ZNF230: variants seen among roughly 807,000 people sequenced by gnomAD.
The protein encoded by ZNF230 is zinc finger protein FDZF2.
In ZNF230, 12 loss-of-function variants were observed where a neutral mutation model predicts 10.0. The observed-to-expected ratio is 1.20, with a 90% CI of 0.77 to 1.95. The LOEUF (loss-of-function observed/expected upper bound fraction) is 1.95. ZNF230 is among the 30% of genes most tolerant of loss of function. The probability of loss-of-function intolerance (pLI) is 0.00; values close to 1 mark genes in which losing one functional copy is unlikely to be tolerated. For missense variants in ZNF230, 532 were observed against 565.8 expected, an observed-to-expected ratio of 0.94 and a Z score of 0.61; for synonymous variants, 174 against 193.6, an observed-to-expected ratio of 0.90 and a Z score of 0.84.
At chr19:44,009,293 AC>A in intron 4 of ZNF230, 123 bp downstream of exon 4, 2 of 1,098,250 alleles carry the variant, frequency 1.8e-6, no homozygotes, top group South Asian at 1.5e-5. Context: ...GTTTATTACA[AC>A]CCCTTTCTGG....
chr19:44,007,202 C>T, intron 2 of ZNF230, 109 bp downstream of exon 2: 1 of 1,044,844 alleles, frequency 9.6e-7, no homozygotes, highest in Non-Finnish European at 1.4e-6. Context: ...GCATTTGGGA[C>T]CTGTTGTGTG....
At position 44,010,780 on chromosome 19, in the gene ZNF230, A is replaced by T. The variant is rs769372300; in HGVS notation, c.741A>T (p.Thr247=). 334 of 1,614,108 alleles carry T rather than the reference A, an allele frequency of 2.1e-4. No homozygotes were observed. Among genetic ancestry groups the T allele is most frequent in the Non-Finnish European group, 2.8e-4 (327 of 1,180,030 alleles). ...AILQVHCKLH[T]GEKPYICEKC... Reference sequence around the variant, plus strand: ...TTCAAGTTCACTGCAAATTACACACAGGAGAGAAACCTTATATTTGTGAGA... The same window carrying T: ...TTCAAGTTCACTGCAAATTACACACTGGAGAGAAACCTTATATTTGTGAGA... The change falls in exon 5 of 5, where the codon ACA becomes ACT. Residue 247 remains threonine (T), a synonymous_variant. Transcript: ENST00000429154.
Position 44,011,036 on chromosome 19 carries a change from C to T in ZNF230, c.997C>T (p.Gln333Ter). Residue 333 changes from glutamine (Q) to a stop codon, truncating the protein, a stop_gained, in exon 5 of 5, where the codon CAG becomes TAG. Coordinates refer to ENST00000429154, the MANE Select transcript of ZNF230 (RefSeq NM_006300.4). LOFTEE classifies it low-confidence loss of function (END_TRUNC). ...LHKHQIIHTG[Q>*]KPYNCKECGK... ...TAAGCATCAGATAATTCACACAGGA[C>T]AGAAACCGTACAATTGTAAAGAATG... 6.2e-7 allele frequency: 1 copy of T among 1,614,164 alleles called. No individual in the cohort carries two copies. The highest frequency in any genetic ancestry group is 8.5e-7 in the Non-Finnish European group (1 of 1,180,010).
intron 1 of ZNF230, chr19:44,003,326 T>C (rs2147420216): frequency 6.6e-6 from 1 of 152,356 alleles, no homozygotes; most frequent in East Asian, 1.9e-4. Flanking sequence ...AATGTCCTTA[T>C]ACTTTCCATT....
intron 2 of ZNF230, 56 bp from the exon 3 acceptor site, chr19:44,008,734 C>A: frequency 6.3e-7 from 1 of 1,590,190 alleles, no homozygotes; most frequent in Non-Finnish European, 8.6e-7. Flanking sequence ...CAATGCTGCT[C>A]CTCCCCCAGT....
intron 1 of ZNF230, chr19:44,006,803 C>T: frequency 3.2e-6 from 1 of 309,950 alleles, no homozygotes; most frequent in South Asian, 1.1e-4. Context: ...TACTTCATTC[C>T]TTTTAATTTC....
Position 44,012,067 on chromosome 19 carries a change from G to GT in ZNF230, c.*603_*604insT. 1.5e-5 allele frequency: 3 copies of GT among 199,694 alleles called. No individual in the cohort carries two copies. The highest frequency in any genetic ancestry group is 1.5e-4 in the East Asian group (1 of 6,622). 12.4% of individuals were successfully genotyped at this position (199,694 alleles called of 1,614,324 possible). ...AGTGTAGATATCTGATCCACATACT[G>GT]ATTTCCTTTGCTTTGGATATACTCA... On this transcript the variant is annotated 3_prime_UTR_variant, in exon 5 of 5. Transcript: ENST00000429154.
rs1056038997 is a variant in ZNF230, at chr19:44,010,323, T to C, written c.284T>C (p.Ile95Thr). ...GPHEDCPCQQIWEQTASDLTQ... is the reference protein window; with the variant it reads ...GPHEDCPCQQTWEQTASDLTQ... ...CATGAAGACTGCCCTTGCCAGCAAA[T>C]CTGGGAACAAACTGCAAGTGACTTA... The change falls in exon 5 of 5, where the codon ATC becomes ACC. Residue 95 changes from isoleucine (I) to threonine (T), a missense_variant. Ile to Thr is a moderately conservative substitution (Grantham distance 89). Coordinates refer to ENST00000429154, the MANE Select transcript of ZNF230 (RefSeq NM_006300.4). The C allele has an allele frequency of 1.2e-6, 2 of 1,614,086 alleles. No homozygotes were observed. The highest frequency in any genetic ancestry group is 2.2e-5 in the South Asian group (2 of 91,076).
At chr19:44,004,303 A>C (rs1976099287) in intron 1 of ZNF230, 1 of 152,198 alleles carries the variant, frequency 6.6e-6, no homozygotes, top group African/African-American at 2.4e-5. Context: ...TTAAGCTTCT[A>C]ATTGATTTCT....
chr19:44,006,183 A>G (rs1190879414), intron 1 of ZNF230, among the ~76,000 whole-genome samples: 3 of 152,126 alleles, frequency 2.0e-5, no homozygotes, highest in Non-Finnish European at 4.4e-5. Context: ...CTTTATTGCA[A>G]CATAACAGGG....
chr19:44,009,081 C>T lies in ZNF230; in HGVS notation c.143-3C>T. ...TTAAGCACATGACTTTGCATGTTCA[C>T]AGGGCATCAACCATTCCACCCTTTC... On this transcript the variant is annotated splice_polypyrimidine_tract_variant and splice_region_variant and intron_variant, in intron 3 of 4. Coordinates refer to ENST00000429154, the MANE Select transcript of ZNF230 (RefSeq NM_006300.4). 1 of 1,614,006 alleles carries T rather than the reference C, an allele frequency of 6.2e-7. No individual in the cohort carries two copies. The highest frequency in any genetic ancestry group is 8.5e-7 in the Non-Finnish European group (1 of 1,179,928).
Position 44,010,681 on chromosome 19 carries a change from TGA to T in ZNF230, c.648_649del (p.Arg216SerfsTer11), listed in dbSNP as rs752534987. The T allele has an allele frequency of 6.2e-6, 10 of 1,614,012 alleles. No individual in the cohort carries two copies. The highest frequency in any genetic ancestry group is 2.7e-5 in the African/African-American group (2 of 74,918). On this transcript the variant is annotated frameshift_variant, in exon 5 of 5. Transcript: ENST00000429154. LOFTEE classifies it low-confidence loss of function (END_TRUNC). ...FSQSSCLQTR[E>X]RVHTGEKPFK... is the part of the protein sequence containing the mutation. ...GTCAGAGCTCATGTCTGCAAACTCG[TGA>T]GAGAGTCCACACTGGAGAGAAACCA...
chr19:44,010,238 G>T, intron 4 of ZNF230, 31 bp from the exon 5 acceptor site: 5 of 1,552,636 alleles, frequency 3.2e-6, no homozygotes, highest in Non-Finnish European at 4.4e-6. Context: ...GGCTTCATTT[G>T]TCCACATCTC....
In ZNF230 at chr19:44,011,080, G is replaced by T; in HGVS notation, c.1041G>T (p.Trp347Cys). 6.2e-7 allele frequency: 1 copy of T among 1,614,184 alleles called. No homozygotes were observed. Among genetic ancestry groups the T allele is most frequent in the Non-Finnish European group, 8.5e-7 (1 of 1,180,026 alleles). The change falls in exon 5 of 5, where the codon TGG becomes TGT. Residue 347 changes from tryptophan to cysteine, a missense_variant. By Grantham distance (215) the Trp-to-Cys change is radical (BLOSUM62 -2). Coordinates refer to ENST00000429154, the MANE Select transcript of ZNF230 (RefSeq NM_006300.4). Reference protein sequence around the residue: ...NCKECGKSFRWSSYLLIHQRI... With the variant: ...NCKECGKSFRCSSYLLIHQRI... Reference sequence around the variant, plus strand: ...AAGAATGTGGGAAGAGCTTCAGATGGTCCTCATATCTTTTGATCCATCAGC... The same window carrying T: ...AAGAATGTGGGAAGAGCTTCAGATGTTCCTCATATCTTTTGATCCATCAGC...
At chr19:44,007,740 C>T (rs548289697) in intron 2 of ZNF230, among the ~76,000 whole-genome samples, 3 of 152,288 alleles carry the variant, frequency 2.0e-5, no homozygotes, top group South Asian at 2.1e-4. Context: ...GCCTGTGTCC[C>T]GCTTATCATT....
chr19:44,011,231 G>A lies in ZNF230; in HGVS notation c.1192G>A (p.Gly398Arg). The change falls in exon 5 of 5, where the codon GGG becomes AGG. Residue 398 changes from glycine (G) to arginine (R), a missense_variant. Coordinates refer to ENST00000429154, the MANE Select transcript of ZNF230 (RefSeq NM_006300.4). ...GERPYNCKEC[G>R]KSFSRASSIL... ...GAGACCTTATAATTGTAAGGAATGT[G>A]GGAAGAGCTTTAGCCGGGCTTCAAG... The A allele has an allele frequency of 1.2e-6, 2 of 1,614,104 alleles. No homozygotes were observed. Among genetic ancestry groups the A allele is most frequent in the Non-Finnish European group, 1.7e-6 (2 of 1,180,014 alleles).
chr19:44,009,055 A>G, intron 3 of ZNF230, 29 bp from the exon 4 acceptor site: 2 of 1,612,770 alleles, frequency 1.2e-6, no homozygotes, highest in Non-Finnish European at 1.7e-6. Context: ...ATGAATTGGT[A>G]TTAAGCACAT....
At position 44,012,879 on chromosome 19, in the gene ZNF230, C is replaced by T. The variant is rs1462923815; in HGVS notation, c.*1415C>T. The T allele has an allele frequency of 6.1e-6, 1 of 164,360 alleles. No homozygotes were observed. The highest frequency in any genetic ancestry group is 1.3e-5 in the Non-Finnish European group (1 of 76,242). 10.2% of individuals were successfully genotyped at this position (164,360 alleles called of 1,614,324 possible). A position where few individuals can be genotyped will look rare whatever the true frequency, so the allele number is the denominator to read the frequency against. On this transcript the variant is annotated 3_prime_UTR_variant, in exon 5 of 5. Transcript: ENST00000429154. ...CTGTTGCACTTGGCTGCTGGCTTCC[C>T]CTCATCCTCTGTTCTGAAGTTTACT...
rs752362205 is a variant in ZNF230 at position 44,011,461 on chromosome 19, G to A, written c.1422G>A (p.Met474Ile). 4 of 1,582,238 alleles carry A rather than the reference G, an allele frequency of 2.5e-6. No individual in the cohort carries two copies. Among genetic ancestry groups the A allele is most frequent in the African/African-American group, 2.8e-5 (2 of 72,416 alleles). ...DIILSLFLND[M>I] is the part of the protein sequence containing the mutation. ...TTTTATCATTATTTTTAAATGATATGTAAGTTGTACATATATATGGGATAT... is the reference window on the plus strand; with the variant it reads ...TTTTATCATTATTTTTAAATGATATATAAGTTGTACATATATATGGGATAT... Residue 474 changes from methionine to isoleucine, a missense_variant, in exon 5 of 5, where the codon ATG becomes ATA. Transcript: ENST00000429154.
Sources: gnomAD v4.1 joint callset for allele counts (sites outside exome capture counted in the v4.1 genomes callset) on GRCh38, gnomAD v4.1.1 for gene constraint, MANE v1.5 for transcripts, NCBI Gene and HGNC (gene_info 2026-07-23, HGNC 2026-07-21) for gene names.